Variants in VWC2 observed in about 807,000 individuals in gnomAD.
VWC2 encodes the protein von Willebrand factor C domain containing 2.
VWC2 carries 14 observed loss-of-function variants against 29.8 expected under a neutral mutation model. The observed-to-expected ratio is 0.47, with a 90% CI of 0.31 to 0.74. VWC2 has a LOEUF of 0.74. Among genes scored for constraint, VWC2 ranks in the 30% least tolerant of loss-of-function variants. The probability of loss-of-function intolerance (pLI) is 0.05; values close to 1 mark genes in which losing one functional copy is unlikely to be tolerated. For missense variants in VWC2, 457 were observed against 459.8 expected (o/e 0.99, Z 0.05); for synonymous variants, 213 against 199.0 (o/e 1.07, Z -0.59).
chr7:49,892,261 T>G (rs1792174819), intron 3 of VWC2, among the ~76,000 whole-genome samples: 1 of 151,780 alleles, frequency 6.6e-6, no homozygotes, highest in Non-Finnish European at 1.5e-5. Flanking sequence ...TTAGCCAGGA[T>G]GGTCTCGATC....
intron 3 of VWC2, among the ~76,000 whole-genome samples, chr7:49,811,624 T>C (rs1789008962): frequency 6.6e-6 from 1 of 152,186 alleles, no homozygotes; most frequent in Non-Finnish European, 1.5e-5. Context: ...GCAATACTAC[T>C]GTACCCCATT....
chr7:49,844,245 T>C (rs1344472229), intron 3 of VWC2, among the ~76,000 whole-genome samples: 1 of 152,242 alleles, frequency 6.6e-6, no homozygotes, highest in Non-Finnish European at 1.5e-5. Flanking sequence ...TTATGATGAC[T>C]GGCTGAGTCC....
chr7:49,798,394 C>T (rs986663683), intron 2 of VWC2, among the ~76,000 whole-genome samples: 2 of 152,198 alleles, frequency 1.3e-5, no homozygotes, highest in African/African-American at 4.8e-5. Flanking sequence ...CCAGATTGGC[C>T]CTGATGACTG....
intron 3 of VWC2, among the ~76,000 whole-genome samples, chr7:49,865,103 T>A (rs1790824162): frequency 6.6e-6 from 1 of 152,252 alleles, no homozygotes; most frequent in Admixed American, 6.5e-5. Flanking sequence ...GTTTTCTTGC[T>A]GAAATTTGCC....
intron 2 of VWC2, among the ~76,000 whole-genome samples, chr7:49,789,056 ATG>A (rs920391191): frequency 8.4e-6 from 1 of 119,530 alleles, no homozygotes; most frequent in African/African-American, 3.3e-5. Context: ...GTGTGGGTGT[ATG>A]TGTGGGTGCG....
chr7:49,888,729 G>A (rs1202483119), intron 3 of VWC2, among the ~76,000 whole-genome samples: 1 of 152,014 alleles, frequency 6.6e-6, no homozygotes, highest in Non-Finnish European at 1.5e-5. Flanking sequence ...TGGCCAACAT[G>A]GTAAAACCCC....
At chr7:49,880,421 GTTTTC>G (rs1004583760) in intron 3 of VWC2, among the ~76,000 whole-genome samples, 3 of 150,948 alleles carry the variant, frequency 2.0e-5, no homozygotes, top group Non-Finnish European at 4.4e-5. Context: ...GTAGCATTTT[GTTTTC>G]TTTTGTTTTG....
intron 3 of VWC2, among the ~76,000 whole-genome samples, chr7:49,822,227 A>G (rs1346991529): frequency 1.3e-5 from 2 of 152,210 alleles, no homozygotes; most frequent in Non-Finnish European, 2.9e-5. Context: ...GAAGTTTTAG[A>G]AAGTTGCCAT....
chr7:49,783,497 C>T (rs1254269051), intron 2 of VWC2, among the ~76,000 whole-genome samples: 2 of 152,200 alleles, frequency 1.3e-5, no homozygotes, highest in Non-Finnish European at 2.9e-5. Flanking sequence ...CCACCCAGGC[C>T]TACCTACCCT....
chr7:49,892,848 T>C (rs1461014675), intron 3 of VWC2, among the ~76,000 whole-genome samples: 1 of 152,230 alleles, frequency 6.6e-6, no homozygotes, highest in Non-Finnish European at 1.5e-5. Context: ...AAGACTTCTA[T>C]GGTCAAGTGA....
chr7:49,845,298 A>G (rs1010511078), intron 3 of VWC2, among the ~76,000 whole-genome samples: 9 of 152,298 alleles, frequency 5.9e-5, no homozygotes, highest in Non-Finnish European at 1.2e-4. Flanking sequence ...CGAAGGAAAA[A>G]AAAAAGGTGA....
intron 3 of VWC2, among the ~76,000 whole-genome samples, chr7:49,857,333 G>A (rs961143466): frequency 2.0e-5 from 3 of 152,116 alleles, no homozygotes; most frequent in African/African-American, 7.2e-5. Flanking sequence ...TGTCCTCAAG[G>A]TTCCTCTGTG....
At chr7:49,800,777 T>A (rs940085848) in intron 2 of VWC2, among the ~76,000 whole-genome samples, 1 of 148,922 alleles carries the variant, frequency 6.7e-6, no homozygotes, top group Non-Finnish European at 1.5e-5. Context: ...AATGAGGGAA[T>A]TGGTAGGAGA....
intron 3 of VWC2, among the ~76,000 whole-genome samples, chr7:49,851,915 C>T (rs1790195042): frequency 1.3e-5 from 2 of 152,166 alleles, no homozygotes; most frequent in South Asian, 4.2e-4. Context: ...ACACCCACAA[C>T]ACTGGATCTC....
intron 3 of VWC2, among the ~76,000 whole-genome samples, chr7:49,902,634 T>C (rs1792829898): frequency 6.6e-6 from 1 of 150,848 alleles, no homozygotes; most frequent in African/African-American, 2.4e-5. Context: ...TAGATTTAAA[T>C]GTAAACCATA....
intron 3 of VWC2, among the ~76,000 whole-genome samples, chr7:49,877,483 T>TATACATACATAC (rs1256474782): frequency 9.5e-5 from 1 of 10,480 alleles, no homozygotes; most frequent in African/African-American, 4.0e-4. Context: ...AAAAAAAAAA[T>TATACATACATAC]ATATATATAT....
chr7:49,783,934 T>C lies in VWC2; in HGVS notation c.696+7803T>C, dbSNP rs183966588. On this transcript the variant is annotated intron_variant, in intron 2 of 3. Coordinates refer to ENST00000340652, the MANE Select transcript of VWC2 (RefSeq NM_198570.5). The stretch of plus-strand genomic sequence containing the variant: ...AAATAAAGAAAAAAAAGAAAAGAAA[T>C]TAAAATGCCAGGTGGCTCTGCACAT... 4.2e-3 allele frequency among the ~76,000 whole-genome samples: 638 copies of C among 151,868 alleles called. 3 individuals carry two copies. Among genetic ancestry groups the C allele is most frequent in the Non-Finnish European group, 7.3e-3 (493 of 67,924 alleles).
Position 49,854,410 on chromosome 7 carries a change from T to C in VWC2, c.826+51570T>C, listed in dbSNP as rs971986593. ...ACTTTTTAATGATCGCTATTCTAAC[T>C]GGTGTGAGATGGTATCTCATTGTGG... is the stretch of plus-strand genomic sequence containing the variant. On this transcript the variant is annotated intron_variant, in intron 3 of 3. Transcript: ENST00000340652. Among the ~76,000 whole-genome samples, 8 of 152,216 alleles carry C rather than the reference T, an allele frequency of 5.3e-5. No homozygotes were observed. The East Asian group carries it at 1.5e-3, about 29-fold the overall frequency.
At chr7:49,802,077 ATTTG>A (rs1788750380) in intron 2 of VWC2, among the ~76,000 whole-genome samples, 1 of 152,154 alleles carries the variant, frequency 6.6e-6, no homozygotes, top group Non-Finnish European at 1.5e-5. Flanking sequence ...GCAAGTTTTT[ATTTG>A]TTTAATTTTT....
Sources: allele counts gnomAD v4.1 joint callset (sites outside exome capture counted in the v4.1 genomes callset), GRCh38; gene constraint gnomAD v4.1.1; transcripts MANE v1.5; gene names NCBI Gene and HGNC (gene_info 2026-07-23, HGNC 2026-07-21).